The following NUDCD1 variants were observed in gnomAD, a reference collection of about 807,000 sequenced individuals.
NUDCD1 encodes the protein NudC domain containing 1, also known as nudC domain-containing protein 1.
Under a neutral mutation model 67.8 loss-of-function variants are expected in NUDCD1, and 60 were observed. The observed-to-expected ratio is 0.88, with a 90% CI of 0.72 to 1.10. The LOEUF (loss-of-function observed/expected upper bound fraction) is 1.10, where lower values mean the gene tolerates loss of function less well. NUDCD1 is among the 50% of genes least tolerant of loss of function. The pLI, the probability that NUDCD1 is intolerant of heterozygous loss-of-function variation, is 0.00. For missense variants in NUDCD1, 643 were observed against 695.0 expected (o/e 0.93, Z 0.84); for synonymous variants, 244 against 230.8 (o/e 1.06, Z -0.52).
At chr8:109,300,207 G>A (rs1339871521) in intron 2 of NUDCD1, among the ~76,000 whole-genome samples, 3 of 152,002 alleles carry the variant, frequency 2.0e-5, no homozygotes, top group Non-Finnish European at 2.9e-5. Context: ...AACACCCTCC[G>A]AAAATCACAA....
At chr8:109,283,546 A>AC (rs1473529845) in intron 5 of NUDCD1, among the ~76,000 whole-genome samples, 1 of 152,196 alleles carries the variant, frequency 6.6e-6, no homozygotes. Flanking sequence ...AAGAAAAGAG[A>AC]TTACATAGGG....
rs1436818576 is a variant in NUDCD1 at position 109,296,512 on chromosome 8, A to G, written c.331T>C (p.Cys111Arg). The change falls in exon 3 of 10, where the codon TGT (cysteine) becomes CGT (arginine). Residue 111 changes from cysteine (C) to arginine (R), a missense_variant. By Grantham distance (180) the Cys-to-Arg change is radical. Transcript: ENST00000239690. ...VFRLPTDLTA[C>R]DNRLCASIHF... is the part of the protein sequence containing the mutation. ...ATAGATGCACAAAGACGGTTGTCAC[A>G]TGCTGTCAAATCTGTAGGAAGTCGA... is the stretch of plus-strand genomic sequence containing the variant. The G allele has an allele frequency of 1.9e-6, 3 of 1,612,894 alleles. No individual in the cohort carries two copies. Among genetic ancestry groups the G allele is most frequent in the African/African-American group, 1.3e-5 (1 of 75,040 alleles).
intron 7 of NUDCD1, among the ~76,000 whole-genome samples, chr8:109,274,595 T>C (rs530197639): frequency 1.3e-5 from 2 of 152,322 alleles, no homozygotes; most frequent in African/African-American, 4.8e-5. Flanking sequence ...TTAGTTTCTC[T>C]ATTTAGCCAT....
At chr8:109,280,751 TAC>T (rs2129983622) in intron 6 of NUDCD1, among the ~76,000 whole-genome samples, 1 of 152,302 alleles carries the variant, frequency 6.6e-6, no homozygotes, top group Non-Finnish European at 1.5e-5. Context: ...AACAAAGCAC[TAC>T]CATATTCTCC....
At chr8:109,331,724 T>C (rs948891634) in intron 1 of NUDCD1, among the ~76,000 whole-genome samples, 7 of 152,182 alleles carry the variant, frequency 4.6e-5, no homozygotes, top group Admixed American at 1.3e-4. Flanking sequence ...TCCTTTTGTT[T>C]ATGAAAAGAT....
intron 5 of NUDCD1, among the ~76,000 whole-genome samples, chr8:109,286,181 C>T (rs1054955638): frequency 2.6e-5 from 4 of 152,052 alleles, no homozygotes; most frequent in African/African-American, 9.7e-5. Context: ...AAAGACATTC[C>T]AAGCTAATAG....
intron 2 of NUDCD1, among the ~76,000 whole-genome samples, 158 bp downstream of exon 2, chr8:109,322,151 T>C (rs1250543847): frequency 6.6e-6 from 1 of 152,140 alleles, no homozygotes; most frequent in East Asian, 1.9e-4. Context: ...AAAATTAAAA[T>C]TGAAATAAGA....
intron 2 of NUDCD1, among the ~76,000 whole-genome samples, chr8:109,305,298 G>T (rs1296302765): frequency 6.6e-6 from 1 of 152,064 alleles, no homozygotes; most frequent in Non-Finnish European, 1.5e-5. Flanking sequence ...AGGCCACTGT[G>T]GTCATTTCTT....
chr8:109,276,523 A>G (rs1165563437), intron 6 of NUDCD1, among the ~76,000 whole-genome samples: 2 of 152,238 alleles, frequency 1.3e-5, no homozygotes, highest in African/African-American at 4.8e-5. Flanking sequence ...AGACTGTTAC[A>G]ATCACTACCT....
At chr8:109,272,312 T>G (rs1814177096) in intron 7 of NUDCD1, among the ~76,000 whole-genome samples, 1 of 151,760 alleles carries the variant, frequency 6.6e-6, no homozygotes, top group African/African-American at 2.4e-5. Flanking sequence ...GATGATACAG[T>G]TTTTAAAGAT....
chr8:109,251,808 G>C (rs150722942), intron 8 of NUDCD1, among the ~76,000 whole-genome samples: 6 of 151,838 alleles, frequency 4.0e-5, no homozygotes, highest in African/African-American at 1.4e-4. Flanking sequence ...TTTAGATTTA[G>C]TTTGCTCTTC....
chr8:109,329,695 T>C lies in NUDCD1; in HGVS notation c.118+4198A>G, dbSNP rs944036215. 3.2e-6 allele frequency: 3 copies of C among 951,220 alleles called. No homozygotes were observed. In the African/African-American group the frequency reaches 5.0e-5, roughly 16 times the overall value. 58.9% of individuals were successfully genotyped at this position (951,220 alleles called of 1,614,324 possible). A position where few individuals can be genotyped will look rare whatever the true frequency, so the allele number is the denominator to read the frequency against. Reference sequence around the variant, plus strand: ...GATTGTGGTGATGATTTCACGGGTGTATACATATATCACAACTTCTTAAGT... The same window carrying C: ...GATTGTGGTGATGATTTCACGGGTGCATACATATATCACAACTTCTTAAGT... On this transcript the variant is annotated intron_variant, in intron 1 of 9. Coordinates refer to ENST00000239690, the MANE Select transcript of NUDCD1 (RefSeq NM_032869.4).
At chr8:109,279,696 T>C (rs1279041637) in intron 6 of NUDCD1, among the ~76,000 whole-genome samples, 1 of 152,120 alleles carries the variant, frequency 6.6e-6, no homozygotes, top group Non-Finnish European at 1.5e-5. Flanking sequence ...CGGAAAGCAA[T>C]GGCCTGGTCT....
chr8:109,330,759 C>T (rs2130159488), intron 1 of NUDCD1, among the ~76,000 whole-genome samples: 1 of 152,252 alleles, frequency 6.6e-6, no homozygotes, highest in Admixed American at 6.5e-5. Flanking sequence ...GAGCTGGAAG[C>T]CACTGTCCTC....
intron 8 of NUDCD1, among the ~76,000 whole-genome samples, chr8:109,247,797 A>G (rs1311380327): frequency 1.3e-5 from 2 of 152,172 alleles, no homozygotes; most frequent in Non-Finnish European, 2.9e-5. Flanking sequence ...TGAGAACTCC[A>G]GCATCATGTA....
chr8:109,280,575 T>G (rs1814409389), intron 6 of NUDCD1, among the ~76,000 whole-genome samples: 1 of 152,214 alleles, frequency 6.6e-6, no homozygotes, highest in African/African-American at 2.4e-5. Flanking sequence ...GGAGGCAGAC[T>G]TCTCACTCTA....
intron 2 of NUDCD1, among the ~76,000 whole-genome samples, chr8:109,313,633 G>A (rs1009955092): frequency 2.6e-5 from 4 of 152,272 alleles, no homozygotes; most frequent in Admixed American, 2.6e-4. Context: ...CCTCAAAACA[G>A]TTATTTCAAA....
At chr8:109,263,944 C>T (rs115022372) in intron 8 of NUDCD1, among the ~76,000 whole-genome samples, 1,769 of 152,212 alleles carry the variant, frequency 0.012, 44 homozygotes, top group African/African-American at 0.039. Flanking sequence ...CACGTACTCA[C>T]TGTAAAGAAA....
chr8:109,332,666 T>G (rs908056537), intron 1 of NUDCD1, among the ~76,000 whole-genome samples: 14 of 152,220 alleles, frequency 9.2e-5, no homozygotes, highest in African/African-American at 3.1e-4. Context: ...CAATAATAAC[T>G]GCTTCTTGTT....
Sources: gnomAD v4.1 joint callset for allele counts (sites outside exome capture counted in the v4.1 genomes callset) on GRCh38, gnomAD v4.1.1 for gene constraint, MANE v1.5 for transcripts, NCBI Gene and HGNC (gene_info 2026-07-23, HGNC 2026-07-21) for gene names.